SYNPO2: variants seen among roughly 807,000 people sequenced by gnomAD.
SYNPO2 encodes synaptopodin 2, also known as synaptopodin-2.
In SYNPO2, 56 loss-of-function variants were observed where a neutral mutation model predicts 85.0. That is an observed-to-expected ratio of 0.66 (90% CI 0.53 to 0.82). The LOEUF is 0.82. Among genes scored for constraint, SYNPO2 ranks in the 40% least tolerant of loss-of-function variants. The probability of loss-of-function intolerance (pLI) is 0.00; values close to 1 mark genes in which losing one functional copy is unlikely to be tolerated. For synonymous variants in SYNPO2, 602 were observed against 591.1 expected, an observed-to-expected ratio of 1.02 and a Z score of -0.27; for missense variants, 1,575 against 1,534.2, an observed-to-expected ratio of 1.03 and a Z score of -0.44.
At chr4:119,007,258 A>G (rs1198192081) in intron 1 of SYNPO2, among the ~76,000 whole-genome samples, 43 of 48,176 alleles carry the variant, frequency 8.9e-4, no homozygotes, top group African/African-American at 3.0e-3. Context: ...ATATACATAT[A>G]TATATATATA....
chr4:119,035,888 T>C (rs1214246686), intron 4 of SYNPO2: 1 of 984,736 alleles, frequency 1.0e-6, no homozygotes, highest in African/African-American at 1.8e-5. Context: ...ACCATTTTCC[T>C]ATTTGCAGTT....
chr4:119,030,955 G>A lies in SYNPO2; in HGVS notation c.2180G>A (p.Gly727Asp). The A allele has an allele frequency of 3.1e-6, 5 of 1,614,170 alleles. No individual in the cohort carries two copies. The highest frequency in any genetic ancestry group is 4.2e-6 in the Non-Finnish European group (5 of 1,180,020). Residue 727 changes from glycine to aspartate, a missense_variant, in exon 4 of 5, where the codon GGT becomes GAT. Gly to Asp is a moderately conservative substitution (Grantham distance 94). This residue lies in a region of SYNPO2 where 1,508 missense variants were observed against 1,446.8 expected (regional missense o/e 1.04). Transcript: ENST00000307142. ...SEGKRGTGAG[G>D]DSGPEEDYLS... ...GGCAAACGGGGCACTGGAGCTGGAG[G>A]TGATTCCGGACCGGAAGAAGACTAC...
rs56036404 is a variant in SYNPO2 at position 118,878,552 on chromosome 4, G to T, written c.12+27612G>T. Among the ~76,000 whole-genome samples, 651 of 152,054 alleles carry T rather than the reference G, an allele frequency of 4.3e-3. 1 individual carries two copies. Among genetic ancestry groups the T allele is most frequent in the African/African-American group, 0.015 (613 of 41,466 alleles). On this transcript the variant is annotated intron_variant, in intron 1 of 4. Coordinates refer to the SYNPO2 transcript ENST00000610556. ...AAGGATTGTAAACGCACCAATCCGC[G>T]CTCTGTGTCTAGCTAAAGGTTTGTA... is the stretch of plus-strand genomic sequence containing the variant.
chr4:119,023,660 T>C, intron 2 of SYNPO2, 79 bp downstream of exon 2: 2 of 1,409,594 alleles, frequency 1.4e-6, no homozygotes, highest in Non-Finnish European at 1.9e-6. Context: ...CATATATAAC[T>C]TGTCATTTAT....
chr4:118,878,933 T>C lies in SYNPO2; in HGVS notation c.12+27993T>C, dbSNP rs78044884. ...CAGTAAATCCTACTGCTGTTCAGTT[T>C]TTGGGTCCGCACTACCTCTAAGAGC... On this transcript the variant is annotated intron_variant, in intron 1 of 4. Transcript: ENST00000610556. 4.3e-3 allele frequency among the ~76,000 whole-genome samples: 652 copies of C among 152,310 alleles called. 1 individual carries two copies. Among genetic ancestry groups the C allele is most frequent in the African/African-American group, 0.015 (613 of 41,562 alleles).
chr4:118,878,872 T>C (rs1216588032), intron 1 of SYNPO2, among the ~76,000 whole-genome samples: 1 of 152,198 alleles, frequency 6.6e-6, no homozygotes, highest in African/African-American at 2.4e-5. Context: ...TCAGGTCCTT[T>C]TCTGTCTTGT....
chr4:118,928,232 T>A (rs909986037), intron 1 of SYNPO2, among the ~76,000 whole-genome samples: 9 of 152,232 alleles, frequency 5.9e-5, no homozygotes, highest in Non-Finnish European at 1.2e-4. Context: ...GGCAAGAGGT[T>A]TGTTTGTACA....
At chr4:119,016,812 A>G (rs1311870106) in intron 1 of SYNPO2, among the ~76,000 whole-genome samples, 1 of 152,218 alleles carries the variant, frequency 6.6e-6, no homozygotes, top group African/African-American at 2.4e-5. Context: ...ATAACAGCTC[A>G]TAGCAGTTAT....
intron 1 of SYNPO2, among the ~76,000 whole-genome samples, chr4:119,019,272 G>A (rs528193258): frequency 7.7e-4 from 117 of 152,210 alleles, no homozygotes; most frequent in African/African-American, 2.6e-3. Context: ...ATTGCATTTG[G>A]TAACTACTGA....
intron 1 of SYNPO2, among the ~76,000 whole-genome samples, chr4:118,921,748 A>G (rs999110727): frequency 8.6e-5 from 13 of 151,706 alleles, no homozygotes; most frequent in African/African-American, 2.9e-4. Context: ...AATTCCTACA[A>G]CATCAAATTG....
At chr4:119,016,983 G>T (rs923427843) in intron 1 of SYNPO2, among the ~76,000 whole-genome samples, 1 of 152,084 alleles carries the variant, frequency 6.6e-6, no homozygotes, top group South Asian at 2.1e-4. Flanking sequence ...TGGTGACTTG[G>T]TCTCTGAGAG....
chr4:118,900,697 C>CTATATATATATATA (rs1165068182), intron 1 of SYNPO2, among the ~76,000 whole-genome samples: 1 of 37,172 alleles, frequency 2.7e-5, no homozygotes, highest in Non-Finnish European at 6.1e-5. Flanking sequence ...CTCTCTCTCT[C>CTATATATATATATA]TCTCTCTATA....
At chr4:118,868,399 A>G (rs1293380449) in intron 1 of SYNPO2, among the ~76,000 whole-genome samples, 1 of 152,180 alleles carries the variant, frequency 6.6e-6, no homozygotes, top group Non-Finnish European at 1.5e-5. Context: ...CATGTAGGTT[A>G]ATGGATGCCT....
chr4:118,921,781 A>G (rs1005674052), intron 1 of SYNPO2, among the ~76,000 whole-genome samples: 3 of 148,950 alleles, frequency 2.0e-5, no homozygotes, highest in East Asian at 2.0e-4. Context: ...TTTCATATGC[A>G]CACACACACA....
chr4:119,011,202 ACCAGCAGAGTGCACAGGAGGT>A (rs921346484), intron 1 of SYNPO2, among the ~76,000 whole-genome samples: 15 of 152,320 alleles, frequency 9.8e-5, no homozygotes, highest in South Asian at 2.1e-4. Flanking sequence ...ACCTGCCAAG[ACCAGCAGAGTGCACAGGAGGT>A]CCAGCAGAGT....
intron 1 of SYNPO2, among the ~76,000 whole-genome samples, chr4:118,891,499 T>G (rs777003455): frequency 1.3e-5 from 2 of 152,228 alleles, no homozygotes; most frequent in Non-Finnish European, 2.9e-5. Flanking sequence ...CAAATGATTA[T>G]GTTTGATTTC....
intron 2 of SYNPO2, 152 bp downstream of exon 2, chr4:119,023,733 G>T: frequency 1.1e-6 from 1 of 902,376 alleles, no homozygotes; most frequent in South Asian, 3.5e-5. Context: ...CACTGTGTTT[G>T]AAAAATAGTC....
rs114382362 is a variant in SYNPO2 at position 118,883,361 on chromosome 4, T to C, written c.12+32421T>C. On this transcript the variant is annotated intron_variant, in intron 1 of 4. Transcript: ENST00000610556. The stretch of plus-strand genomic sequence containing the variant: ...AGTAATGATGTTTTTTGAGTGAAAA[T>C]TGAATTAGGAAAATAAAAAAGAGGC... Among the ~76,000 whole-genome samples the C allele has an allele frequency of 3.5e-3, 539 of 152,110 alleles. 2 individuals are homozygous for C. Among genetic ancestry groups the C allele is most frequent in the African/African-American group, 0.012 (512 of 41,492 alleles).
At chr4:118,889,811 T>C (rs576438804) in intron 1 of SYNPO2, among the ~76,000 whole-genome samples, 16 of 152,352 alleles carry the variant, frequency 1.1e-4, no homozygotes, top group African/African-American at 3.8e-4. Context: ...GAGGTAACTT[T>C]GTAACACATT....
Sources: gnomAD v4.1 joint callset for allele counts (sites outside exome capture counted in the v4.1 genomes callset) on GRCh38, gnomAD v4.1.1 for gene constraint, gnomAD v4.1.1 regional missense constraint, MANE v1.5 for transcripts, NCBI Gene and HGNC (gene_info 2026-07-23, HGNC 2026-07-21) for gene names.